The following PBX1 variants were observed in gnomAD, a reference collection of about 807,000 sequenced individuals.
PBX1 encodes pre-B-cell leukemia transcription factor 1.
A neutral mutation model predicts 53.4 loss-of-function variants in PBX1; 6 were observed. That is an observed-to-expected ratio of 0.11 (90% CI 0.06 to 0.22). PBX1 has a LOEUF of 0.22. PBX1 is among the 10% of genes least tolerant of loss of function. The probability of loss-of-function intolerance (pLI) is 1.00; values close to 1 mark genes in which losing one functional copy is unlikely to be tolerated. For synonymous variants in PBX1, 204 were observed against 212.3 expected, an observed-to-expected ratio of 0.96 and a Z score of 0.34; for missense variants, 251 against 551.4, an observed-to-expected ratio of 0.46 and a Z score of 5.46.
intron 2 of PBX1, among the ~76,000 whole-genome samples, chr1:164,860,654 A>G (rs1178319361): frequency 2.6e-5 from 4 of 152,276 alleles, no homozygotes; most frequent in Non-Finnish European, 4.4e-5. Context: ...AGACATGCAT[A>G]GAATATGCAT....
intron 2 of PBX1, among the ~76,000 whole-genome samples, chr1:164,752,206 TTGTGTG>T (rs10629820): frequency 0.18 from 25,783 of 143,030 alleles, 2,428 homozygotes; most frequent in South Asian, 0.32. Flanking sequence ...CTTTAAGGTT[TTGTGTG>T]TGTGTGTGTG....
At chr1:164,811,084 G>T (rs1398683320) in intron 5 of PBX1, among the ~76,000 whole-genome samples, 5 of 152,170 alleles carry the variant, frequency 3.3e-5, no homozygotes, top group African/African-American at 4.8e-5. Context: ...CAGATTCATA[G>T]TTTGTTTTGT....
intron 2 of PBX1, among the ~76,000 whole-genome samples, chr1:164,648,362 A>G (rs571290265): frequency 1.4e-4 from 21 of 152,306 alleles, no homozygotes; most frequent in Admixed American, 7.2e-4. Flanking sequence ...TATTTTTCAC[A>G]TACTTCAAGG....
intron 8 of PBX1, among the ~76,000 whole-genome samples, chr1:164,830,864 G>A (rs1047215479): frequency 6.6e-6 from 1 of 151,992 alleles, no homozygotes; most frequent in Non-Finnish European, 1.5e-5. Context: ...CTCAGGCCCC[G>A]CCCAGACCTA....
In PBX1 at chr1:164,881,303, GGGAAGGAA is replaced by G. The variant is rs10615738; in HGVS notation, n.258-17869_258-17862del. Among the ~76,000 whole-genome samples, 24 of 123,408 alleles carry G rather than the reference GGGAAGGAA, an allele frequency of 1.9e-4. 1 individual carries two copies. The East Asian group carries it at 2.5e-3, about 13-fold the overall frequency. The allele number at this position is 123,408 out of a possible 152,430, so 81.0% of individuals were successfully genotyped here. On this transcript the variant is annotated intron_variant and non_coding_transcript_variant, in intron 2 of 2. Transcript: ENST00000558796. ...GACACAGAGAGAAAGGAAGGAAAGA[GGGAAGGAA>G]GGAAGGAAGGAAGGAGGAAAAGAAG...
intron 2 of PBX1, among the ~76,000 whole-genome samples, chr1:164,863,942 T>G (rs1672156424): frequency 6.6e-6 from 1 of 152,230 alleles, no homozygotes; most frequent in Non-Finnish European, 1.5e-5. Context: ...TTTCATTCAT[T>G]CATCTTCCCA....
chr1:164,822,994 G>A (rs1452488977), intron 8 of PBX1, among the ~76,000 whole-genome samples: 1 of 152,122 alleles, frequency 6.6e-6, no homozygotes, highest in African/African-American at 2.4e-5. Context: ...TTGTCTTGAT[G>A]ACTTTTAAGG....
chr1:164,735,512 G>A (rs906967203), intron 2 of PBX1, among the ~76,000 whole-genome samples: 12 of 152,170 alleles, frequency 7.9e-5, no homozygotes, highest in Non-Finnish European at 1.2e-4. Context: ...TAGTGATTAA[G>A]CTAGCATTGT....
intron 2 of PBX1, among the ~76,000 whole-genome samples, chr1:164,638,346 G>A (rs1000785488): frequency 6.6e-6 from 1 of 152,226 alleles, no homozygotes; most frequent in Non-Finnish European, 1.5e-5. Flanking sequence ...ATACACAAGT[G>A]CATGTTTTAA....
At chr1:164,868,681 G>T (rs1468281768) in intron 2 of PBX1, among the ~76,000 whole-genome samples, 1 of 152,156 alleles carries the variant, frequency 6.6e-6, no homozygotes, top group Non-Finnish European at 1.5e-5. Flanking sequence ...CATACACAGT[G>T]GCAAGGACTC....
Position 164,847,961 on chromosome 1 carries a change from TTC to T in PBX1, c.*1287_*1288del. ...CTTACAATGTCTTTAATGGACTTGA[TTC>T]TGTTTAATTTTTTGTTTTATATTAG... On this transcript the variant is annotated 3_prime_UTR_variant, in exon 9 of 9. Coordinates refer to ENST00000420696, the MANE Select transcript of PBX1 (RefSeq NM_002585.4). The T allele has an allele frequency of 1.9e-6, 2 of 1,050,664 alleles. No homozygotes were observed. The highest frequency in any genetic ancestry group is 9.1e-5 in the South Asian group (2 of 21,866). The allele number at this position is 1,050,664 out of a possible 1,614,324, so 65.1% of individuals were successfully genotyped here. A position where few individuals can be genotyped will look rare whatever the true frequency, so the allele number is the denominator to read the frequency against.
chr1:164,587,715 T>C (rs1177032612), intron 2 of PBX1, among the ~76,000 whole-genome samples: 9 of 152,210 alleles, frequency 5.9e-5, no homozygotes, highest in Admixed American at 5.9e-4. Context: ...CTTCTCTTCT[T>C]CACATCGTTT....
chr1:164,591,615 C>T (rs1655387927), intron 2 of PBX1, among the ~76,000 whole-genome samples: 1 of 152,198 alleles, frequency 6.6e-6, no homozygotes, highest in African/African-American at 2.4e-5. Context: ...GTATGTCTGT[C>T]ATGGCGCTGC....
chr1:164,881,986 C>T (rs1672671041), intron 2 of PBX1, among the ~76,000 whole-genome samples: 1 of 152,200 alleles, frequency 6.6e-6, no homozygotes, highest in African/African-American at 2.4e-5. Flanking sequence ...TCATCTTTTT[C>T]CCAAAACTAA....
At position 164,648,984 on chromosome 1, in the gene PBX1, G is replaced by T. The variant is rs550520022; in HGVS notation, c.265+85673G>T. ...CCTTTGGTATCACAGTTTTGTGATT[G>T]ATGTGACTTAGGCTGTTTGCCTCTT... On this transcript the variant is annotated intron_variant, in intron 2 of 8. Transcript: ENST00000420696. Among the ~76,000 whole-genome samples the T allele has an allele frequency of 2.3e-4, 35 of 152,272 alleles. 1 individual carries two copies. In the South Asian group the frequency reaches 4.4e-3, roughly 19 times the overall value.
intron 8 of PBX1, among the ~76,000 whole-genome samples, chr1:164,826,039 G>A (rs1002088151): frequency 6.6e-6 from 1 of 152,094 alleles, no homozygotes; most frequent in Non-Finnish European, 1.5e-5. Context: ...GGTCCTTCTT[G>A]TGACTTTTCT....
At chr1:164,728,999 TTG>T (rs571445737) in intron 2 of PBX1, among the ~76,000 whole-genome samples, 154 of 152,324 alleles carry the variant, frequency 1.0e-3, no homozygotes, top group African/African-American at 3.6e-3. Context: ...CTCCTCAGCA[TTG>T]TGTTAGGCGT....
At chr1:164,789,131 G>A (rs530137124) in intron 2 of PBX1, among the ~76,000 whole-genome samples, 10 of 152,266 alleles carry the variant, frequency 6.6e-5, no homozygotes, top group South Asian at 2.1e-4. Context: ...CTTCCATGGC[G>A]GGTAGGGGCT....
intron 2 of PBX1, among the ~76,000 whole-genome samples, chr1:164,636,653 A>C (rs548091209): frequency 1.3e-5 from 2 of 152,302 alleles, no homozygotes; most frequent in Non-Finnish European, 2.9e-5. Context: ...AGAAGGAGAC[A>C]GAAATCTTCT....
Sources: allele counts gnomAD v4.1 joint callset (sites outside exome capture counted in the v4.1 genomes callset), GRCh38; gene constraint gnomAD v4.1.1; transcripts MANE v1.5; gene names NCBI Gene and HGNC (gene_info 2026-07-23, HGNC 2026-07-21).